The following EPHA6 variants were observed in gnomAD, a reference collection of about 807,000 sequenced individuals.
EPHA6 encodes EPH receptor A6.
EPHA6 carries 50 observed loss-of-function variants against 112.0 expected under a neutral mutation model. The observed-to-expected ratio is 0.45, with a 90% CI of 0.36 to 0.56. The LOEUF is 0.56. Ranked by LOEUF, EPHA6 falls within the 20% of genes least tolerant of loss-of-function variation. The pLI is 0.00. For missense variants in EPHA6, 1,280 were observed against 1,417.4 expected (o/e 0.90, Z 1.56); for synonymous variants, 529 against 490.7 (o/e 1.08, Z -1.03).
intron 3 of EPHA6, among the ~76,000 whole-genome samples, chr3:97,032,905 G>T (rs1396786336): frequency 1.3e-5 from 2 of 151,864 alleles, no homozygotes; most frequent in Non-Finnish European, 2.9e-5. Context: ...TCATAGTCTT[G>T]TTTGTGAGCA....
At chr3:97,736,497 G>GTGTA (rs1425000634) in intron 16 of EPHA6, among the ~76,000 whole-genome samples, 2 of 151,602 alleles carry the variant, frequency 1.3e-5, no homozygotes, top group African/African-American at 4.9e-5. Flanking sequence ...GTGTGTGTGT[G>GTGTA]TGTGTGTGTG....
chr3:97,403,931 T>C (rs1393994810), intron 5 of EPHA6, among the ~76,000 whole-genome samples: 3 of 152,168 alleles, frequency 2.0e-5, no homozygotes, highest in Non-Finnish European at 2.9e-5. Context: ...TTTTTATGCA[T>C]TTTTCTTCAC....
At chr3:97,505,796 C>T (rs1439790769) in intron 10 of EPHA6, among the ~76,000 whole-genome samples, 1 of 151,832 alleles carries the variant, frequency 6.6e-6, no homozygotes, top group Non-Finnish European at 1.5e-5. Flanking sequence ...CTAATTTACA[C>T]CATCAACAGT....
At chr3:96,995,536 G>A (rs1390317925) in intron 3 of EPHA6, among the ~76,000 whole-genome samples, 1 of 152,022 alleles carries the variant, frequency 6.6e-6, no homozygotes, top group Admixed American at 6.6e-5. Flanking sequence ...TTATTTCCAA[G>A]CAAGAAAGGA....
chr3:97,502,597 G>C (rs1346692395), intron 10 of EPHA6, among the ~76,000 whole-genome samples: 2 of 151,368 alleles, frequency 1.3e-5, no homozygotes, highest in East Asian at 3.9e-4. Flanking sequence ...CACTTTGGGA[G>C]ACCAAGATGG....
At chr3:97,107,554 C>T (rs755618977) in intron 3 of EPHA6, among the ~76,000 whole-genome samples, 25 of 152,084 alleles carry the variant, frequency 1.6e-4, no homozygotes, top group Non-Finnish European at 3.5e-4. Context: ...GATAGCTATT[C>T]GTAACTGACT....
intron 3 of EPHA6, among the ~76,000 whole-genome samples, chr3:97,199,039 A>G (rs2077513220): frequency 1.3e-5 from 2 of 152,126 alleles, no homozygotes; most frequent in African/African-American, 4.8e-5. Flanking sequence ...GAACTGGCCA[A>G]ATAGAACACC....
At chr3:97,258,516 T>C (rs1161463806) in intron 5 of EPHA6, among the ~76,000 whole-genome samples, 4 of 152,114 alleles carry the variant, frequency 2.6e-5, no homozygotes, top group Non-Finnish European at 4.4e-5. Context: ...AAGATTATTG[T>C]TTATTTGCTT....
intron 11 of EPHA6, among the ~76,000 whole-genome samples, chr3:97,568,913 G>A (rs115408862): frequency 0.011 from 1,603 of 152,264 alleles, 30 homozygotes; most frequent in African/African-American, 0.037. Context: ...ACTATTAATA[G>A]GAAACATCAA....
At chr3:96,893,555 C>T (rs1203407665) in intron 2 of EPHA6, among the ~76,000 whole-genome samples, 1 of 152,156 alleles carries the variant, frequency 6.6e-6, no homozygotes, top group Non-Finnish European at 1.5e-5. Flanking sequence ...TATTGCACAC[C>T]AGTCAGGCGT....
intron 3 of EPHA6, among the ~76,000 whole-genome samples, chr3:97,145,836 G>A (rs1343506961): frequency 1.3e-5 from 2 of 151,368 alleles, no homozygotes; most frequent in African/African-American, 4.8e-5. Flanking sequence ...ATAGCAAAAT[G>A]CATCATATAA....
At chr3:97,522,253 G>A (rs2092555260) in intron 10 of EPHA6, among the ~76,000 whole-genome samples, 2 of 152,124 alleles carry the variant, frequency 1.3e-5, no homozygotes, top group South Asian at 4.1e-4. Context: ...AGTTTCTGTA[G>A]TGGAAAGGAT....
intron 6 of EPHA6, among the ~76,000 whole-genome samples, chr3:97,413,731 T>G (rs189994224): frequency 1.9e-4 from 29 of 152,098 alleles, no homozygotes; most frequent in African/African-American, 6.5e-4. Flanking sequence ...GATTATATTT[T>G]CTTTCACAAG....
chr3:97,645,807 GTA>G (rs1221630185), intron 14 of EPHA6, among the ~76,000 whole-genome samples: 2 of 151,826 alleles, frequency 1.3e-5, no homozygotes, highest in Non-Finnish European at 2.9e-5. Context: ...TTCTTTGAAC[GTA>G]TATTTTACCT....
chr3:97,610,164 C>G (rs926153226), intron 12 of EPHA6, among the ~76,000 whole-genome samples: 1 of 151,514 alleles, frequency 6.6e-6, no homozygotes, highest in Non-Finnish European at 1.5e-5. Flanking sequence ...GCCATCATTG[C>G]TCTGTTGATT....
chr3:97,380,562 G>T (rs746724540), intron 5 of EPHA6, among the ~76,000 whole-genome samples: 1 of 152,106 alleles, frequency 6.6e-6, no homozygotes, highest in East Asian at 1.9e-4. Flanking sequence ...CATTTCTTAC[G>T]TGAAGAAAAT....
chr3:97,323,413 T>C (rs143093338), intron 5 of EPHA6, among the ~76,000 whole-genome samples: 2,217 of 151,988 alleles, frequency 0.015, 28 homozygotes, highest in Middle Eastern at 0.041. Context: ...GTTCATAGAA[T>C]AAAGCATATA....
At chr3:97,272,633 G>T (rs1488105732) in intron 5 of EPHA6, among the ~76,000 whole-genome samples, 1 of 152,044 alleles carries the variant, frequency 6.6e-6, no homozygotes, top group Non-Finnish European at 1.5e-5. Flanking sequence ...ACAGTCAAAG[G>T]GGGGTGTTCT....
Position 96,818,806 on chromosome 3 carries a change from CCATT to C in EPHA6, c.385+3803_385+3806del, listed in dbSNP as rs546321329. Among the ~76,000 whole-genome samples the C allele has an allele frequency of 2.9e-4, 44 of 151,850 alleles. No individual in the cohort carries two copies. The South Asian group carries it at 7.3e-3, about 25-fold the overall frequency. On this transcript the variant is annotated intron_variant, in intron 1 of 17. Coordinates refer to ENST00000389672, the MANE Select transcript of EPHA6 (RefSeq NM_001080448.3). ...GATTACTTAGAATGTTTCTGAAAGA[CCATT>C]CATTTAGAAGAAATTAGTTTTTGAG... is the stretch of plus-strand genomic sequence containing the variant.
Sources: gnomAD v4.1 joint callset for allele counts (sites outside exome capture counted in the v4.1 genomes callset) on GRCh38, gnomAD v4.1.1 for gene constraint, MANE v1.5 for transcripts, NCBI Gene and HGNC (gene_info 2026-07-23, HGNC 2026-07-21) for gene names.